PCDH15: variants seen among roughly 807,000 people sequenced by gnomAD.
PCDH15 encodes protocadherin-15.
A neutral mutation model predicts 178.5 loss-of-function variants in PCDH15; 129 were observed. The ratio of observed to expected loss-of-function variants is 0.72; its 90% CI spans 0.63 to 0.84. The LOEUF is 0.84. Among genes scored for constraint, PCDH15 ranks in the 40% least tolerant of loss-of-function variants. The pLI, the probability that PCDH15 is intolerant of heterozygous loss-of-function variation, is 0.00. For synonymous variants in PCDH15, 800 were observed against 732.0 expected (o/e 1.09, Z -1.50); for missense variants, 2,230 against 2,099.9 (o/e 1.06, Z -1.21).
At chr10:53,808,699 G>T in intron 37 of PCDH15, 1 of 1,612,396 alleles carries the variant, frequency 6.2e-7, no homozygotes, top group South Asian at 1.1e-5. Flanking sequence ...CTTTCAAAGT[G>T]CTGTGTTGTA....
chr10:54,322,061 C>A (rs956914807), intron 7 of PCDH15, among the ~76,000 whole-genome samples: 2 of 151,726 alleles, frequency 1.3e-5, no homozygotes, highest in African/African-American at 4.8e-5. Context: ...AAAAATAATC[C>A]TTCAGCAATT....
intron 8 of PCDH15, among the ~76,000 whole-genome samples, chr10:54,278,506 T>G: frequency 6.6e-6 from 1 of 151,606 alleles, no homozygotes; most frequent in East Asian, 1.9e-4. Context: ...TTATGTCTAC[T>G]CCCTCATATT....
intron 3 of PCDH15, among the ~76,000 whole-genome samples, chr10:54,450,926 A>C (rs2136289429): frequency 6.6e-6 from 1 of 152,054 alleles, no homozygotes; most frequent in Admixed American, 6.6e-5. Flanking sequence ...GATAAAGATT[A>C]GCAATTTAAT....
chr10:54,271,676 G>A (rs145146113), intron 8 of PCDH15, among the ~76,000 whole-genome samples: 1 of 152,072 alleles, frequency 6.6e-6, no homozygotes, highest in Non-Finnish European at 1.5e-5. Flanking sequence ...AATAGAGGAA[G>A]TATAAAAGAT....
At chr10:54,998,552 T>C (rs948018998) in intron 2 of PCDH15, among the ~76,000 whole-genome samples, 3 of 152,132 alleles carry the variant, frequency 2.0e-5, no homozygotes. Flanking sequence ...GCCCAATAGA[T>C]AATTGGAGAC....
intron 2 of PCDH15, among the ~76,000 whole-genome samples, chr10:55,094,321 C>T (rs1045395165): frequency 6.6e-6 from 1 of 151,646 alleles, no homozygotes; most frequent in Admixed American, 6.6e-5. Flanking sequence ...TGTTCTCACT[C>T]ATAGGTGGGA....
In PCDH15 at chr10:54,414,497, A is replaced by G. The variant is rs376479240; in HGVS notation, c.158-35555T>C. Among the ~76,000 whole-genome samples the G allele has an allele frequency of 1.1e-4, 16 of 152,102 alleles. 1 individual carries two copies. Among genetic ancestry groups the G allele is most frequent in the East Asian group, 9.6e-4 (5 of 5,194 alleles). ...ACAGAACAGAAGTAGGTATACAAAT[A>G]TGGAAGAATATATTACATTTATTTT... On this transcript the variant is annotated intron_variant, in intron 3 of 37. Coordinates refer to ENST00000644397, the MANE Select transcript of PCDH15 (RefSeq NM_001384140.1).
chr10:53,832,468 T>C (rs2077069266), intron 29 of PCDH15, among the ~76,000 whole-genome samples: 2 of 151,932 alleles, frequency 1.3e-5, no homozygotes, highest in Admixed American at 6.6e-5. Flanking sequence ...CGTCTTACTA[T>C]AGAATATTGG....
chr10:54,909,175 C>A (rs1564622115), intron 2 of PCDH15, among the ~76,000 whole-genome samples: 1 of 152,150 alleles, frequency 6.6e-6, no homozygotes, highest in Admixed American at 6.5e-5. Flanking sequence ...GAAAAGGCAC[C>A]ACGAGTTCTC....
intron 2 of PCDH15, among the ~76,000 whole-genome samples, chr10:55,403,915 A>G (rs1838134431): frequency 2.6e-5 from 4 of 152,010 alleles, no homozygotes; most frequent in African/African-American, 9.7e-5. Context: ...CAGATAGAAG[A>G]AGTTAATCAC....
intron 10 of PCDH15, among the ~76,000 whole-genome samples, chr10:54,196,143 TTTATG>T (rs1472909193): frequency 6.6e-6 from 1 of 152,072 alleles, no homozygotes; most frequent in East Asian, 1.9e-4. Flanking sequence ...ATTATTTTAT[TTTATG>T]TTTTTATTTT....
At chr10:55,224,217 A>G (rs1333061881) in intron 1 of PCDH15, among the ~76,000 whole-genome samples, 2 of 147,940 alleles carry the variant, frequency 1.4e-5, no homozygotes, top group African/African-American at 4.9e-5. Context: ...AACAAAAACA[A>G]AACAAAAAAA....
At chr10:55,014,231 T>C (rs763910754) in intron 2 of PCDH15, among the ~76,000 whole-genome samples, 18 of 152,098 alleles carry the variant, frequency 1.2e-4, no homozygotes, top group Non-Finnish European at 2.2e-4. Context: ...AGTGGAACTT[T>C]AATAGCAATA....
intron 8 of PCDH15, among the ~76,000 whole-genome samples, chr10:54,249,795 G>T (rs2056312740): frequency 6.6e-6 from 1 of 151,794 alleles, no homozygotes; most frequent in South Asian, 2.1e-4. Flanking sequence ...AATCCATCAA[G>T]AAATTGAATA....
chr10:54,055,422 A>G (rs1308027999), intron 18 of PCDH15, among the ~76,000 whole-genome samples: 1 of 152,226 alleles, frequency 6.6e-6, no homozygotes, highest in African/African-American at 2.4e-5. Context: ...TCTATATTAT[A>G]CAATGCTGAG....
chr10:54,434,641 C>G (rs1389242101), intron 3 of PCDH15, among the ~76,000 whole-genome samples: 2 of 152,132 alleles, frequency 1.3e-5, no homozygotes, highest in Non-Finnish European at 2.9e-5. Context: ...CACACAATGA[C>G]AAAATCACCT....
intron 20 of PCDH15, among the ~76,000 whole-genome samples, chr10:54,001,158 ACAC>A (rs1335917410): frequency 6.6e-6 from 1 of 152,198 alleles, no homozygotes; most frequent in Non-Finnish European, 1.5e-5. Flanking sequence ...GATTTCATCA[ACAC>A]CAGACCTGTC....
In PCDH15 at chr10:54,153,275, C is replaced by T. The variant is rs2044739140; in HGVS notation, c.1609G>A (p.Asp537Asn). The T allele has an allele frequency of 1.2e-6, 2 of 1,613,800 alleles. No individual in the cohort carries two copies. Among genetic ancestry groups the T allele is most frequent in the South Asian group, 2.2e-5 (2 of 91,082 alleles). The change falls in exon 14 of 38, where the codon GAC becomes AAC. Residue 537 changes from aspartate to asparagine, a missense_variant. Asp to Asn is a conservative substitution (Grantham distance 23). Coordinates refer to ENST00000644397, the MANE Select transcript of PCDH15 (RefSeq NM_001384140.1). ...GTGATCTCCCCATTTGACCCTTCGT[C>T]TGCGTCGACTGCAGTGAGCTGGAAT... ...SVIQLTAVDA[D>N]EGSNGEITYE...
At position 54,222,422 on chromosome 10, in the gene PCDH15, G is replaced by A. The variant is rs140327049; in HGVS notation, c.986-8374C>T. Among the ~76,000 whole-genome samples, 914 of 152,292 alleles carry A rather than the reference G, an allele frequency of 6.0e-3. 4 individuals are homozygous for A. Among genetic ancestry groups the A allele is most frequent in the Non-Finnish European group, 9.4e-3 (640 of 68,020 alleles). ...TCTTTTTGAGAATGACATTTAGATG[G>A]AATTGTGTAGTATAAAGATTTGGAG... On this transcript the variant is annotated intron_variant, in intron 9 of 37. Transcript: ENST00000644397.
Sources: allele counts gnomAD v4.1 joint callset (sites outside exome capture counted in the v4.1 genomes callset), GRCh38; gene constraint gnomAD v4.1.1; transcripts MANE v1.5; gene names NCBI Gene and HGNC (gene_info 2026-07-23, HGNC 2026-07-21).